The following SP4 variants were observed in gnomAD, a reference collection of about 807,000 sequenced individuals.
SP4 encodes transcription factor Sp4.
In SP4, 19 loss-of-function variants were observed where a neutral mutation model predicts 72.8. The observed-to-expected ratio is 0.26, with a 90% CI of 0.18 to 0.38. The LOEUF (loss-of-function observed/expected upper bound fraction) is 0.38, where lower values mean the gene tolerates loss of function less well. SP4 is among the 10% of genes least tolerant of loss of function. SP4 has a pLI of 1.00. For missense variants in SP4, 1,008 were observed against 926.3 expected, an observed-to-expected ratio of 1.09 and a Z score of -1.14; for synonymous variants, 395 against 333.1, an observed-to-expected ratio of 1.19 and a Z score of -2.02.
chr7:21,479,659 A>C (rs150080902), intron 4 of SP4, among the ~76,000 whole-genome samples: 470 of 152,320 alleles, frequency 3.1e-3, no homozygotes, highest in South Asian at 9.5e-3. Context: ...GTCAGTTTCT[A>C]TAAAGAAACC....
chr7:21,499,051 G>A (rs1419914684), intron 5 of SP4, among the ~76,000 whole-genome samples: 1 of 141,510 alleles, frequency 7.1e-6, no homozygotes, highest in African/African-American at 2.7e-5. Context: ...CTGCACTCCA[G>A]CCTGGGCGAT....
At chr7:21,438,409 G>C (rs1783120429) in intron 3 of SP4, among the ~76,000 whole-genome samples, 1 of 151,948 alleles carries the variant, frequency 6.6e-6, no homozygotes, top group Admixed American at 6.6e-5. Context: ...TTTTTTCATA[G>C]AGGCTGTATG....
chr7:21,506,269 A>G (rs997283875), intron 5 of SP4, among the ~76,000 whole-genome samples: 4 of 152,206 alleles, frequency 2.6e-5, no homozygotes, highest in African/African-American at 9.6e-5. Flanking sequence ...AGTATCAACC[A>G]AAAATGTCAC....
chr7:21,438,298 T>G (rs1266338803), intron 3 of SP4, among the ~76,000 whole-genome samples: 2 of 152,216 alleles, frequency 1.3e-5, no homozygotes, highest in African/African-American at 2.4e-5. Flanking sequence ...TTCTGGGTAC[T>G]TCCATCCAGC....
chr7:21,476,444 A>T (rs1784503863), intron 3 of SP4, among the ~76,000 whole-genome samples: 1 of 152,186 alleles, frequency 6.6e-6, no homozygotes, highest in Admixed American at 6.5e-5. Flanking sequence ...GCTATATAAC[A>T]TGAATGAATA....
At chr7:21,508,784 G>C (rs1034051762) in intron 5 of SP4, among the ~76,000 whole-genome samples, 1 of 151,350 alleles carries the variant, frequency 6.6e-6, no homozygotes, top group African/African-American at 2.4e-5. Context: ...TGTTTGACCT[G>C]GGGTCAGGGC....
At chr7:21,453,734 A>G (rs1329912201) in intron 3 of SP4, among the ~76,000 whole-genome samples, 1 of 152,188 alleles carries the variant, frequency 6.6e-6, no homozygotes, top group Non-Finnish European at 1.5e-5. Context: ...TTTTTTTGTT[A>G]AAGACCAGAA....
chr7:21,488,919 A>C (rs952434015), intron 5 of SP4, among the ~76,000 whole-genome samples: 1 of 152,174 alleles, frequency 6.6e-6, no homozygotes, highest in African/African-American at 2.4e-5. Context: ...TACTTTGCCT[A>C]CTTACTGGAC....
At chr7:21,471,402 A>G (rs1466949474) in intron 3 of SP4, among the ~76,000 whole-genome samples, 2 of 152,246 alleles carry the variant, frequency 1.3e-5, no homozygotes, top group Non-Finnish European at 2.9e-5. Flanking sequence ...TATGATCAAC[A>G]TAGATAATGT....
Position 21,428,188 on chromosome 7 carries a change from G to GGCCCC in SP4, c.-64_-63insGCCCC. ...CGGGACCGGCCTCTCCTCCCGCCTCGCCCCCACCCCCACCCACCTCTATCC... is the reference window on the plus strand; with the variant it reads ...CGGGACCGGCCTCTCCTCCCGCCTCGGCCCCCCCCCACCCCCACCCACCTCTATCC... On this transcript the variant is annotated 5_prime_UTR_variant, in exon 1 of 6. Transcript: ENST00000222584. The GGCCCC allele has an allele frequency of 5.4e-6, 2 of 371,884 alleles. No homozygotes were observed. Among genetic ancestry groups the GGCCCC allele is most frequent in the Non-Finnish European group, 1.0e-5 (2 of 198,076 alleles). The allele number at this position is 371,884 out of a possible 1,614,324, so 23.0% of individuals were successfully genotyped here.
chr7:21,489,196 T>C (rs1182729589), intron 5 of SP4, among the ~76,000 whole-genome samples: 1 of 152,212 alleles, frequency 6.6e-6, no homozygotes, highest in Non-Finnish European at 1.5e-5. Flanking sequence ...TAAGCTTAAG[T>C]GGAAATGAAA....
At chr7:21,478,218 T>A (rs1784571816) in intron 4 of SP4, among the ~76,000 whole-genome samples, 1 of 152,222 alleles carries the variant, frequency 6.6e-6, no homozygotes, top group East Asian at 1.9e-4. Flanking sequence ...TAGGGACAAA[T>A]AATATTCCAC....
chr7:21,477,347 A>G (rs539282882), intron 4 of SP4, 40 bp downstream of exon 4: 5 of 1,360,258 alleles, frequency 3.7e-6, no homozygotes, highest in South Asian at 2.4e-5. Context: ...TTTGGAAGGC[A>G]TAAAACAGCA....
intron 5 of SP4, 39 bp from the exon 6 acceptor site, chr7:21,510,983 C>A: frequency 1.3e-6 from 2 of 1,548,068 alleles, no homozygotes; most frequent in South Asian, 1.2e-5. Context: ...TTCACTTAAG[C>A]AAAATGTGTA....
At chr7:21,478,631 G>A (rs1583427900) in intron 4 of SP4, among the ~76,000 whole-genome samples, 1 of 151,946 alleles carries the variant, frequency 6.6e-6, no homozygotes, top group Non-Finnish European at 1.5e-5. Flanking sequence ...ATCTTTTCTT[G>A]TTCTTATTGG....
chr7:21,428,708 A>G lies in SP4; in HGVS notation c.39A>G (p.Ala13=), dbSNP rs1465828868. 2 of 1,554,602 alleles carry G rather than the reference A, an allele frequency of 1.3e-6. No individual in the cohort carries two copies. The highest frequency in any genetic ancestry group is 1.2e-5 in the South Asian group (1 of 84,246). The part of the protein sequence containing the change: ...DQKKEEEEEA[A]AAAAMATEGG... The stretch of plus-strand genomic sequence containing the variant: ...AGAAGGAGGAGGAGGAGGAGGCGGC[A>G]GCGGCAGCGGCGATGGCTACAGAAG... The change falls in exon 2 of 6, where the codon GCA becomes GCG. Residue 13 remains alanine (A), a synonymous_variant. Coordinates refer to ENST00000222584, the MANE Select transcript of SP4 (RefSeq NM_003112.5).
At chr7:21,479,835 T>C (rs1266558296) in intron 4 of SP4, among the ~76,000 whole-genome samples, 1 of 152,240 alleles carries the variant, frequency 6.6e-6, no homozygotes, top group African/African-American at 2.4e-5. Context: ...GTATACATTT[T>C]GTACTTTTGT....
chr7:21,435,768 T>A (rs1783031903), intron 3 of SP4, among the ~76,000 whole-genome samples: 1 of 152,210 alleles, frequency 6.6e-6, no homozygotes, highest in African/African-American at 2.4e-5. Context: ...ACTACCAAGC[T>A]GGCTTTACCT....
At chr7:21,462,427 A>G (rs73685138) in intron 3 of SP4, among the ~76,000 whole-genome samples, 3,263 of 152,294 alleles carry the variant, frequency 0.021, 125 homozygotes, top group African/African-American at 0.073. Context: ...TTTAAGGGTA[A>G]TTCTGTAGAG....
Sources: gnomAD v4.1 joint callset for allele counts (sites outside exome capture counted in the v4.1 genomes callset) on GRCh38, gnomAD v4.1.1 for gene constraint, MANE v1.5 for transcripts, NCBI Gene and HGNC (gene_info 2026-07-23, HGNC 2026-07-21) for gene names.